The following KIAA1549L variants were observed in gnomAD, a reference collection of about 807,000 sequenced individuals.
The protein encoded by KIAA1549L is KIAA1549 like.
A neutral mutation model predicts 160.7 loss-of-function variants in KIAA1549L; 88 were observed. That is an observed-to-expected ratio of 0.55 (90% CI 0.46 to 0.65). KIAA1549L has a LOEUF of 0.65. KIAA1549L is among the 30% of genes least tolerant of loss of function. KIAA1549L has a pLI of 0.00. For missense variants in KIAA1549L, 2,258 were observed against 2,437.5 expected, an observed-to-expected ratio of 0.93 and a Z score of 1.55; for synonymous variants, 950 against 976.7, an observed-to-expected ratio of 0.97 and a Z score of 0.51.
chr11:33,463,555 G>A (rs1206883739), intron 1 of KIAA1549L, among the ~76,000 whole-genome samples: 1 of 152,158 alleles, frequency 6.6e-6, no homozygotes, highest in Non-Finnish European at 1.5e-5. Flanking sequence ...ATGATTCTCT[G>A]TTGTTGAGGC....
chr11:33,660,304 G>A (rs1037095289), intron 19 of KIAA1549L, among the ~76,000 whole-genome samples: 5 of 152,258 alleles, frequency 3.3e-5, no homozygotes, highest in Middle Eastern at 3.4e-3. Flanking sequence ...GTGGCCTGGC[G>A]CGGTGGCTCA....
Position 33,598,923 on chromosome 11 carries a change from AAGG to A in KIAA1549L, c.4862_4864del (p.Glu1621del), listed in dbSNP as rs1300944526. 5 of 1,613,526 alleles carry A rather than the reference AAGG, an allele frequency of 3.1e-6. No individual in the cohort carries two copies. The highest frequency in any genetic ancestry group is 1.7e-5 in the Admixed American group (1 of 59,996). Reference sequence around the variant, plus strand: ...TGTAATGGCACAGCAGAAAGTGACAAAGGAGGAGGCAAGGAAGAGAAATGGTGA... The same window carrying A: ...TGTAATGGCACAGCAGAAAGTGACAAAGGAGGCAAGGAAGAGAAATGGTGA... On this transcript the variant is annotated inframe_deletion, in exon 13 of 21. Coordinates refer to ENST00000658780, the MANE Select transcript of KIAA1549L (RefSeq NM_012194.3).
At chr11:33,560,061 T>C (rs1324932997) in intron 7 of KIAA1549L, 150 bp downstream of exon 7, 7 of 786,408 alleles carry the variant, frequency 8.9e-6, no homozygotes, top group Non-Finnish European at 1.3e-5. Context: ...CAGCTAAATA[T>C]GGATTAAGGA....
chr11:33,511,843 T>C lies in KIAA1549L; in HGVS notation c.239-29959T>C, dbSNP rs569831654. Among the ~76,000 whole-genome samples, 82 of 152,272 alleles carry C rather than the reference T, an allele frequency of 5.4e-4. No individual in the cohort carries two copies. In the South Asian group the frequency reaches 0.015, roughly 28 times the overall value. ...GACTTTAGCTTTCCCACCTGTAAAA[T>C]GGGGGTATTCAGAGGACCTACCTTT... On this transcript the variant is annotated intron_variant, in intron 1 of 20. Transcript: ENST00000658780.
At chr11:33,580,571 C>CAAAAAAAAAA (rs368467299) in intron 10 of KIAA1549L, among the ~76,000 whole-genome samples, 8 of 52,184 alleles carry the variant, frequency 1.5e-4, no homozygotes, top group Non-Finnish European at 2.7e-4. Context: ...GATTCTGCCT[C>CAAAAAAAAAA]AAAAAAAAAA....
intron 17 of KIAA1549L, 22 bp downstream of exon 17, chr11:33,646,058 C>G: frequency 6.6e-7 from 1 of 1,515,546 alleles, no homozygotes; most frequent in Non-Finnish European, 8.9e-7. Context: ...ATTCCACCCA[C>G]CTGCCATCAT....
chr11:33,530,425 AAAAAAAAAAAAAT>A (rs1175335169), intron 1 of KIAA1549L, among the ~76,000 whole-genome samples: 4 of 39,544 alleles, frequency 1.0e-4, no homozygotes, highest in Admixed American at 2.6e-4. Context: ...AAAAAAAAAA[AAAAAAAAAAAAAT>A]ATATATATAT....
At chr11:33,582,014 G>A (rs1239275400) in intron 10 of KIAA1549L, among the ~76,000 whole-genome samples, 1 of 152,104 alleles carries the variant, frequency 6.6e-6, no homozygotes, top group South Asian at 2.1e-4. Flanking sequence ...ATAAAATAAT[G>A]ATAAAGAGGC....
chr11:33,574,005 G>A (rs1041687227), intron 9 of KIAA1549L, among the ~76,000 whole-genome samples: 1 of 152,072 alleles, frequency 6.6e-6, no homozygotes, highest in African/African-American at 2.4e-5. Context: ...GCAAAATATT[G>A]TATATAGACT....
chr11:33,419,364 G>C (rs752782765), intron 1 of KIAA1549L, among the ~76,000 whole-genome samples: 36 of 152,142 alleles, frequency 2.4e-4, no homozygotes, highest in Non-Finnish European at 3.8e-4. Flanking sequence ...TATACTTGAT[G>C]GTTTCTGCTT....
chr11:33,437,909 T>C (rs1851412905), intron 1 of KIAA1549L, among the ~76,000 whole-genome samples: 2 of 152,188 alleles, frequency 1.3e-5, no homozygotes, highest in Admixed American at 1.3e-4. Flanking sequence ...AGGGGACCGC[T>C]TTCCTGGTTC....
chr11:33,666,835 G>A (rs999077144), intron 20 of KIAA1549L, among the ~76,000 whole-genome samples: 1 of 152,140 alleles, frequency 6.6e-6, no homozygotes, highest in Non-Finnish European at 1.5e-5. Context: ...GTAGCTTGTC[G>A]CCTTAGACCG....
chr11:33,589,178 C>A (rs1341422694), intron 11 of KIAA1549L, among the ~76,000 whole-genome samples: 1 of 152,152 alleles, frequency 6.6e-6, no homozygotes, highest in Non-Finnish European at 1.5e-5. Flanking sequence ...CATCACTGGC[C>A]ATCAGAGAAA....
chr11:33,444,634 C>T (rs747908411), intron 1 of KIAA1549L, among the ~76,000 whole-genome samples: 8 of 152,172 alleles, frequency 5.3e-5, no homozygotes, highest in Non-Finnish European at 1.2e-4. Context: ...ATGAACTGTC[C>T]TTGCTTTTAG....
chr11:33,494,735 T>C (rs1202728201), intron 1 of KIAA1549L, among the ~76,000 whole-genome samples: 1 of 152,166 alleles, frequency 6.6e-6, no homozygotes, highest in Non-Finnish European at 1.5e-5. Context: ...GTGTTGCAAA[T>C]CCGGAAAAGA....
chr11:33,478,665 T>A (rs1405584625), intron 1 of KIAA1549L, among the ~76,000 whole-genome samples: 2 of 152,232 alleles, frequency 1.3e-5, no homozygotes, highest in Non-Finnish European at 2.9e-5. Context: ...GTGGTCACAG[T>A]TCAAGCCCTT....
At chr11:33,383,554 G>A (rs923265987) in intron 1 of KIAA1549L, among the ~76,000 whole-genome samples, 3 of 152,176 alleles carry the variant, frequency 2.0e-5, no homozygotes, top group Non-Finnish European at 4.4e-5. Context: ...ATTCAGCAGT[G>A]TTTATCAAGC....
At chr11:33,602,212 G>A (rs1026719922) in intron 13 of KIAA1549L, among the ~76,000 whole-genome samples, 4 of 152,116 alleles carry the variant, frequency 2.6e-5, no homozygotes, top group African/African-American at 9.7e-5. Context: ...CCTGTCTAAG[G>A]TATGGGGCAG....
intron 1 of KIAA1549L, among the ~76,000 whole-genome samples, chr11:33,460,898 CA>C (rs1476445969): frequency 6.6e-6 from 1 of 152,056 alleles, no homozygotes; most frequent in Admixed American, 6.6e-5. Context: ...ATAAGCTGAG[CA>C]AAACGTTCTG....
Sources: gnomAD v4.1 joint callset for allele counts (sites outside exome capture counted in the v4.1 genomes callset) on GRCh38, gnomAD v4.1.1 for gene constraint, MANE v1.5 for transcripts, NCBI Gene and HGNC (gene_info 2026-07-23, HGNC 2026-07-21) for gene names.